PALLD: variants seen among roughly 807,000 people sequenced by gnomAD.
PALLD encodes palladin.
PALLD carries 61 observed loss-of-function variants against 123.5 expected under a neutral mutation model. The observed-to-expected ratio is 0.49, with a 90% confidence interval of 0.40 to 0.61. PALLD has a LOEUF of 0.61. Ranked by LOEUF, PALLD falls within the 20% of genes least tolerant of loss-of-function variation. The probability of loss-of-function intolerance (pLI) is 0.00; values close to 1 mark genes in which losing one functional copy is unlikely to be tolerated. For missense variants in PALLD, 1,273 were observed against 1,377.0 expected (o/e 0.92, Z 1.20); for synonymous variants, 465 against 496.4 (o/e 0.94, Z 0.84).
intron 10 of PALLD, among the ~76,000 whole-genome samples, chr4:168,828,750 T>C (rs542479456): frequency 6.6e-6 from 1 of 152,336 alleles, no homozygotes; most frequent in Admixed American, 6.5e-5. Context: ...TAAATTTGCA[T>C]GTTTGAAGCC....
At chr4:168,897,811 T>C (rs1413698088) in intron 13 of PALLD, among the ~76,000 whole-genome samples, 1 of 151,752 alleles carries the variant, frequency 6.6e-6, no homozygotes, top group Non-Finnish European at 1.5e-5. Flanking sequence ...CACAGGAATG[T>C]TGATGGGTTG....
chr4:168,681,203 C>CT, intron 3 of PALLD, 129 bp from the exon 4 acceptor site: 1 of 650,510 alleles, frequency 1.5e-6, no homozygotes, highest in Non-Finnish European at 2.8e-6. Context: ...CTGAATCACT[C>CT]TATTTTATTG....
intron 8 of PALLD, among the ~76,000 whole-genome samples, chr4:168,697,598 G>T (rs1783258637): frequency 6.6e-6 from 1 of 152,196 alleles, no homozygotes; most frequent in Admixed American, 6.5e-5. Context: ...CCCCTCCATG[G>T]ACTGTCACCT....
At chr4:168,711,994 A>C (rs1784879012) in intron 10 of PALLD, 71 bp downstream of exon 10, 2 of 1,384,814 alleles carry the variant, frequency 1.4e-6, no homozygotes, top group Non-Finnish European at 2.0e-6. Context: ...TGAGAAAAAA[A>C]CTTTTGCCTG....
chr4:168,633,178 G>C (rs1312324362), intron 2 of PALLD, among the ~76,000 whole-genome samples: 2 of 152,132 alleles, frequency 1.3e-5, no homozygotes, highest in African/African-American at 4.8e-5. Context: ...TTCTGTTGCC[G>C]ATAAATCCAT....
Position 168,683,110 on chromosome 4 carries a change from A to T in PALLD, c.1260+7A>T, listed in dbSNP as rs538365421. The T allele has an allele frequency of 6.4e-7, 1 of 1,558,816 alleles. No homozygotes were observed. Among genetic ancestry groups the T allele is most frequent in the East Asian group, 2.2e-5 (1 of 44,626 alleles). Reference sequence around the variant, plus strand: ...GTCTGTCCCTGTGCAACAGGTAAGTATGCTTTGAGCCAGAGCCCATAAGGG... The same window carrying T: ...GTCTGTCCCTGTGCAACAGGTAAGTTTGCTTTGAGCCAGAGCCCATAAGGG... On this transcript the variant is annotated splice_region_variant and intron_variant, in intron 5 of 21. Transcript: ENST00000505667.
intron 2 of PALLD, chr4:168,648,365 A>C (rs2710828): frequency 1.3e-5 from 2 of 152,036 alleles, no homozygotes; most frequent in African/African-American, 4.8e-5. Context: ...ATGAAGGGGG[A>C]AAAATGGGTC....
At chr4:168,507,671 A>G (rs1762134697) in intron 1 of PALLD, 1 of 192,718 alleles carries the variant, frequency 5.2e-6, no homozygotes, top group South Asian at 1.9e-4. Flanking sequence ...TCCCGGATCC[A>G]GACTGCAATC....
At chr4:168,757,598 C>G (rs1385286442) in intron 10 of PALLD, among the ~76,000 whole-genome samples, 1 of 152,324 alleles carries the variant, frequency 6.6e-6, no homozygotes, top group Non-Finnish European at 1.5e-5. Context: ...AATCTCAGGA[C>G]AGTTCCATGT....
At chr4:168,815,262 C>T (rs1426912498) in intron 10 of PALLD, among the ~76,000 whole-genome samples, 3 of 152,190 alleles carry the variant, frequency 2.0e-5, no homozygotes, top group African/African-American at 7.2e-5. Context: ...TTGCTTGGTG[C>T]TCCTGTAATA....
intron 10 of PALLD, among the ~76,000 whole-genome samples, chr4:168,793,140 T>TATATGTGTGTGCATATATATAC (rs1737791314): frequency 1.6e-5 from 2 of 127,290 alleles, no homozygotes; most frequent in Non-Finnish European, 3.2e-5. Flanking sequence ...TATATATACA[T>TATATGTGTGTGCATATATATAC]ATATATGTGT....
intron 10 of PALLD, among the ~76,000 whole-genome samples, chr4:168,876,893 GT>G (rs1473065151): frequency 1.8e-4 from 28 of 152,154 alleles, no homozygotes; most frequent in Non-Finnish European, 3.5e-4. Flanking sequence ...GTACAGCAAA[GT>G]TTTTGAGTAA....
chr4:168,861,722 G>A (rs923582714), intron 10 of PALLD, among the ~76,000 whole-genome samples: 3 of 151,848 alleles, frequency 2.0e-5, no homozygotes, highest in Admixed American at 1.3e-4. Flanking sequence ...AGGCTAGAGT[G>A]TTGTGGCTGC....
intron 10 of PALLD, among the ~76,000 whole-genome samples, chr4:168,846,494 C>G (rs919129798): frequency 6.6e-6 from 1 of 151,996 alleles, no homozygotes; most frequent in Non-Finnish European, 1.5e-5. Flanking sequence ...TTTTAAACAC[C>G]CGTTATGCGA....
chr4:168,657,038 G>C (rs1275204817), intron 2 of PALLD, among the ~76,000 whole-genome samples: 2 of 152,180 alleles, frequency 1.3e-5, no homozygotes, highest in Non-Finnish European at 2.9e-5. Context: ...AAAGCTAGTT[G>C]TAAAATGTAT....
chr4:168,529,653 C>T, intron 2 of PALLD, among the ~76,000 whole-genome samples: 1 of 152,202 alleles, frequency 6.6e-6, no homozygotes, highest in Middle Eastern at 3.4e-3. Context: ...TTACCGAAAA[C>T]AAAGATCCAA....
intron 2 of PALLD, among the ~76,000 whole-genome samples, chr4:168,547,421 T>C (rs1224531789): frequency 1.3e-5 from 2 of 151,982 alleles, no homozygotes; most frequent in African/African-American, 4.8e-5. Flanking sequence ...CTGGGGTAAC[T>C]GTGAAGATCT....
intron 2 of PALLD, among the ~76,000 whole-genome samples, chr4:168,616,701 G>A (rs888668345): frequency 1.3e-5 from 2 of 152,140 alleles, no homozygotes; most frequent in African/African-American, 4.8e-5. Context: ...GGATTCCCAA[G>A]CCCCATCCCA....
intron 10 of PALLD, among the ~76,000 whole-genome samples, chr4:168,888,610 G>C (rs989796800): frequency 1.3e-5 from 2 of 152,150 alleles, no homozygotes; most frequent in South Asian, 2.1e-4. Flanking sequence ...TCAGAGATGA[G>C]AGAATTTTAA....
Sources: gnomAD v4.1 joint callset for allele counts (sites outside exome capture counted in the v4.1 genomes callset) on GRCh38, gnomAD v4.1.1 for gene constraint, MANE v1.5 for transcripts, NCBI Gene and HGNC (gene_info 2026-07-23, HGNC 2026-07-21) for gene names.